DACH2: variants seen among roughly 807,000 people sequenced by gnomAD.
DACH2 encodes the protein dachshund family transcription factor 2.
A neutral mutation model predicts 35.8 loss-of-function variants in DACH2; 17 were observed. That is an observed-to-expected ratio of 0.48 (90% confidence interval 0.33 to 0.71). The LOEUF (loss-of-function observed/expected upper bound fraction) is 0.71. Among genes scored for constraint, DACH2 ranks in the 30% least tolerant of loss-of-function variants. DACH2 has a pLI of 0.02. For missense variants in DACH2, 469 were observed against 472.7 expected, an observed-to-expected ratio of 0.99 and a Z score of 0.07; for synonymous variants, 195 against 177.3, an observed-to-expected ratio of 1.10 and a Z score of -0.79.
chrX:86,203,236 G>T (rs753468515), intron 1 of DACH2, among the ~76,000 whole-genome samples: 1 of 110,893 alleles, frequency 9.0e-6, no homozygotes, highest in East Asian at 2.8e-4. Context: ...TAGTAAAAAG[G>T]CTTACTATAC....
At chrX:86,290,650 G>A (rs1274734167) in intron 1 of DACH2, among the ~76,000 whole-genome samples, 2 of 107,411 alleles carry the variant, frequency 1.9e-5, no homozygotes, top group Non-Finnish European at 3.8e-5. Flanking sequence ...TGGCTAGCCA[G>A]TTTTCCCAGC....
intron 11 of DACH2, chrX:86,831,801 CAA>C (rs201305340): frequency 2.4e-5 from 2 of 82,087 alleles, no homozygotes; most frequent in East Asian, 3.8e-4. Context: ...CCATTATATA[CAA>C]AAAAAAAAGT....
chrX:86,506,602 G>A (rs553425252), intron 2 of DACH2, among the ~76,000 whole-genome samples: 157 of 110,252 alleles, frequency 1.4e-3, no homozygotes, highest in Middle Eastern at 9.3e-3. Flanking sequence ...GCTATGTTGC[G>A]CAGGCTCGTC....
intron 6 of DACH2, among the ~76,000 whole-genome samples, chrX:86,728,646 C>T (rs184144479): frequency 8.9e-6 from 1 of 112,635 alleles, no homozygotes; most frequent in East Asian, 2.8e-4. Flanking sequence ...GCTCTGCTCC[C>T]CTGCACAGCC....
intron 2 of DACH2, among the ~76,000 whole-genome samples, chrX:86,379,959 A>T (rs765558308): frequency 2.7e-5 from 3 of 110,859 alleles, no homozygotes; most frequent in Non-Finnish European, 5.7e-5. Context: ...ATTTACTAAA[A>T]CTCTAATAAT....
intron 2 of DACH2, among the ~76,000 whole-genome samples, chrX:86,410,565 A>T (rs1450118974): frequency 2.7e-5 from 3 of 111,467 alleles, no homozygotes; most frequent in Admixed American, 1.9e-4. Context: ...TCCCAAAAAC[A>T]TGGGAAAGTA....
At chrX:86,792,343 C>T (rs2042194157) in intron 7 of DACH2, among the ~76,000 whole-genome samples, 1 of 111,867 alleles carries the variant, frequency 8.9e-6, no homozygotes, top group South Asian at 3.7e-4. Context: ...GTATTCATCA[C>T]CTCTGGCATT....
chrX:86,577,105 C>G (rs2039444946), intron 3 of DACH2, among the ~76,000 whole-genome samples: 1 of 111,992 alleles, frequency 8.9e-6, no homozygotes, highest in Admixed American at 9.5e-5. Context: ...TTACTTTATA[C>G]TATATGTCAG....
chrX:86,624,059 AC>A (rs1338489603), intron 3 of DACH2, among the ~76,000 whole-genome samples: 16 of 54,194 alleles, frequency 3.0e-4, no homozygotes, highest in South Asian at 1.3e-3. Context: ...AAAAAACAAA[AC>A]AAAAAAAAAA....
At chrX:86,257,893 G>A (rs769083161) in intron 1 of DACH2, among the ~76,000 whole-genome samples, 2 of 111,766 alleles carry the variant, frequency 1.8e-5, no homozygotes, top group Non-Finnish European at 3.8e-5. Context: ...TTCTTGGGAT[G>A]GTGGAATTTG....
chrX:86,303,536 A>G (rs1389887084), intron 1 of DACH2, among the ~76,000 whole-genome samples: 1 of 110,677 alleles, frequency 9.0e-6, no homozygotes, highest in Non-Finnish European at 1.9e-5. Flanking sequence ...ATGGATGACC[A>G]GTTAGTGGGG....
intron 1 of DACH2, among the ~76,000 whole-genome samples, chrX:86,172,404 G>A (rs1333396214): frequency 8.9e-6 from 1 of 112,011 alleles, no homozygotes; most frequent in Non-Finnish European, 1.9e-5. Context: ...GGAAGTAATA[G>A]TATCTCATGG....
At chrX:86,611,957 C>CTG (rs140254063) in intron 3 of DACH2, among the ~76,000 whole-genome samples, 7,942 of 100,630 alleles carry the variant, frequency 0.079, 661 homozygotes, top group African/African-American at 0.24. Context: ...GTTGTTGTTC[C>CTG]TGTGTGTGTG....
chrX:86,590,522 A>G (rs2039630973), intron 3 of DACH2, among the ~76,000 whole-genome samples: 1 of 112,114 alleles, frequency 8.9e-6, no homozygotes, highest in Non-Finnish European at 1.9e-5. Context: ...AAGCTGCTGT[A>G]TATATTTTTA....
chrX:86,475,860 AT>A (rs974473652), intron 2 of DACH2, among the ~76,000 whole-genome samples: 8 of 111,200 alleles, frequency 7.2e-5, no homozygotes, highest in South Asian at 3.7e-4. Flanking sequence ...TATGTTCCTC[AT>A]TTTTTTGAGG....
intron 3 of DACH2, among the ~76,000 whole-genome samples, chrX:86,601,138 T>C (rs1293578780): frequency 9.0e-6 from 1 of 111,311 alleles, no homozygotes; most frequent in Non-Finnish European, 1.9e-5. Flanking sequence ...TGCCTATTCA[T>C]GGTATTCGGA....
rs776464793 is a variant in DACH2 at position 86,484,999 on chromosome X, C to T, written c.528-29280C>T. Among the ~76,000 whole-genome samples the T allele has an allele frequency of 7.2e-5, 8 of 111,447 alleles. 1 individual carries two copies. Among genetic ancestry groups the T allele is most frequent in the South Asian group, 7.5e-4 (2 of 2,681 alleles). ...GAGTTGATAGAGATACAGCTGTCTC[C>T]GTCCACTTTATTCTTAGATAGGAAG... On this transcript the variant is annotated intron_variant, in intron 2 of 11. Transcript: ENST00000373125.
rs138845165 is a variant in DACH2, at chrX:86,528,408, A to T, written c.640+14017A>T. Among the ~76,000 whole-genome samples the T allele has an allele frequency of 2.1e-3, 230 of 111,562 alleles. 1 individual carries two copies. The highest frequency in any genetic ancestry group is 7.4e-3 in the African/African-American group (226 of 30,728). On this transcript the variant is annotated intron_variant, in intron 3 of 11. Coordinates refer to ENST00000373125, the MANE Select transcript of DACH2 (RefSeq NM_053281.3). ...TTTTCCTTGTATTTGTGGCAAGGGC[A>T]TTGTGAAAAAAAAGCATACTTTTTG...
At position 86,670,398 on chromosome X, in the gene DACH2, T is replaced by C. The variant is rs373646975; in HGVS notation, c.772+19231T>C. ...CTGTCTTCATTATAGACAAAGATTC[T>C]TTTGTCAATAAAAACAAAGAATTGC... On this transcript the variant is annotated intron_variant, in intron 4 of 11. Transcript: ENST00000373125. Among the ~76,000 whole-genome samples the C allele has an allele frequency of 2.6e-4, 29 of 111,754 alleles. No homozygotes were observed. The East Asian group carries it at 3.4e-3, about 13-fold the overall frequency.
Sources: gnomAD v4.1 joint callset for allele counts (sites outside exome capture counted in the v4.1 genomes callset) on GRCh38, gnomAD v4.1.1 for gene constraint, MANE v1.5 for transcripts, NCBI Gene and HGNC (gene_info 2026-07-23, HGNC 2026-07-21) for gene names.